OTOGL: variants seen among roughly 807,000 people sequenced by gnomAD.
The protein encoded by OTOGL is otogelin-like protein.
OTOGL carries 285 observed loss-of-function variants against 318.5 expected under a neutral mutation model. The ratio of observed to expected loss-of-function variants is 0.89; its 90% confidence interval spans 0.81 to 0.99. The LOEUF is 0.99. Ranked by LOEUF, OTOGL falls within the 50% of genes least tolerant of loss-of-function variation. The probability of loss-of-function intolerance (pLI) is 0.00; values close to 1 mark genes in which losing one functional copy is unlikely to be tolerated. For missense variants in OTOGL, 2,899 were observed against 2,845.6 expected (o/e 1.02, Z -0.43); for synonymous variants, 987 against 936.5 (o/e 1.05, Z -0.99).
At chr12:80,315,586 A>G (rs921187683) in intron 32 of OTOGL, among the ~76,000 whole-genome samples, 2 of 152,200 alleles carry the variant, frequency 1.3e-5, no homozygotes, top group Non-Finnish European at 2.9e-5. Context: ...CTCTGGATCC[A>G]TGATGGATGT....
chr12:80,356,215 G>C, intron 47 of OTOGL: 1 of 610,140 alleles, frequency 1.6e-6, no homozygotes. Context: ...GACAATAATA[G>C]AAAAATGTCA....
At chr12:80,309,671 A>G (rs1886498410) in intron 29 of OTOGL, among the ~76,000 whole-genome samples, 1 of 152,216 alleles carries the variant, frequency 6.6e-6, no homozygotes, top group Admixed American at 6.5e-5. Context: ...AAGGTCTCCT[A>G]CTTTCCTGGC....
At chr12:80,221,643 CAATAGTT>C (rs1159822021) in intron 6 of OTOGL, among the ~76,000 whole-genome samples, 1 of 150,812 alleles carries the variant, frequency 6.6e-6, no homozygotes, top group Admixed American at 6.7e-5. Context: ...TTTTTTTGGT[CAATAGTT>C]ATTTTTCTCT....
At chr12:80,163,571 ATTAT>A (rs1392543157) in intron 1 of OTOGL, among the ~76,000 whole-genome samples, 8 of 152,048 alleles carry the variant, frequency 5.3e-5, no homozygotes, top group Admixed American at 5.3e-4. Context: ...TTATACAGGC[ATTAT>A]TTAGATCTGC....
chr12:80,167,095 G>GT (rs1379886977), intron 1 of OTOGL, among the ~76,000 whole-genome samples: 1 of 152,064 alleles, frequency 6.6e-6, no homozygotes, highest in Admixed American at 6.6e-5. Context: ...TGATGACTGA[G>GT]TTTTTTTGGC....
intron 52 of OTOGL, among the ~76,000 whole-genome samples, chr12:80,363,437 T>A (rs1890348667): frequency 6.6e-6 from 1 of 152,158 alleles, no homozygotes; most frequent in South Asian, 2.1e-4. Flanking sequence ...CATTTACGAA[T>A]GAACATCTTC....
At chr12:80,216,698 A>G (rs1419146016) in intron 4 of OTOGL, among the ~76,000 whole-genome samples, 1 of 152,174 alleles carries the variant, frequency 6.6e-6, no homozygotes, top group East Asian at 1.9e-4. Context: ...AGATGAGTAA[A>G]TAGAGGCACT....
At chr12:80,299,633 G>A (rs533285200) in intron 27 of OTOGL, among the ~76,000 whole-genome samples, 23 of 148,400 alleles carry the variant, frequency 1.5e-4, no homozygotes, top group African/African-American at 5.6e-4. Flanking sequence ...AACCACCTCT[G>A]TTATTTTTAT....
chr12:80,231,593 T>C (rs528090440), intron 8 of OTOGL, among the ~76,000 whole-genome samples: 1 of 152,206 alleles, frequency 6.6e-6, no homozygotes, highest in Admixed American at 6.6e-5. Flanking sequence ...CACATTATGG[T>C]ATATAATTTT....
chr12:80,176,340 T>C (rs1241126289), intron 1 of OTOGL, among the ~76,000 whole-genome samples: 1 of 152,196 alleles, frequency 6.6e-6, no homozygotes, highest in Admixed American at 6.6e-5. Context: ...AACAAAATAA[T>C]GAACATTTCC....
intron 11 of OTOGL, among the ~76,000 whole-genome samples, chr12:80,249,710 G>A (rs1881310695): frequency 6.6e-6 from 1 of 152,308 alleles, no homozygotes; most frequent in East Asian, 1.9e-4. Flanking sequence ...GAGCTTCCCG[G>A]CTGCTTTGTT....
rs529205390 is a variant in OTOGL, at chr12:80,200,288, A to G, written c.-19-9125A>G. 2.4e-4 allele frequency among the ~76,000 whole-genome samples: 37 copies of G among 152,344 alleles called. No homozygotes were observed. The South Asian group carries it at 6.6e-3, about 27-fold the overall frequency. ...AGCACAATTTCCTAAGATGTGAAAT[A>G]GTGCTCTGCCTTAGGTTTATGTGTC... On this transcript the variant is annotated intron_variant, in intron 1 of 58. Coordinates refer to ENST00000547103, the MANE Select transcript of OTOGL (RefSeq NM_001378609.3).
intron 1 of OTOGL, among the ~76,000 whole-genome samples, chr12:80,144,154 C>T (rs1024645489): frequency 9.9e-5 from 15 of 151,980 alleles, no homozygotes; most frequent in Non-Finnish European, 2.1e-4. Context: ...GCGCTGCACC[C>T]ACTAACTCGT....
chr12:80,250,016 C>T (rs1881372555), intron 11 of OTOGL, among the ~76,000 whole-genome samples: 1 of 152,076 alleles, frequency 6.6e-6, no homozygotes, highest in Non-Finnish European at 1.5e-5. Context: ...CCTCGCCCTG[C>T]TTCGGCTCGC....
chr12:80,364,993 GAC>G (rs1218532630), intron 52 of OTOGL, among the ~76,000 whole-genome samples: 1 of 151,810 alleles, frequency 6.6e-6, no homozygotes, highest in Non-Finnish European at 1.5e-5. Context: ...TCACTAAAAA[GAC>G]AAAAAATAAC....
intron 4 of OTOGL, among the ~76,000 whole-genome samples, chr12:80,212,629 T>C (rs1565902359): frequency 6.6e-6 from 1 of 152,152 alleles, no homozygotes; most frequent in Non-Finnish European, 1.5e-5. Context: ...CTATAAAAGA[T>C]GGATGGTAAA....
At chr12:80,333,391 T>C (rs1476420551) in intron 38 of OTOGL, among the ~76,000 whole-genome samples, 2 of 151,542 alleles carry the variant, frequency 1.3e-5, no homozygotes, top group South Asian at 2.1e-4. Context: ...ATCTACTTGA[T>C]GTCAGCCACT....
chr12:80,260,788 T>C, intron 18 of OTOGL, among the ~76,000 whole-genome samples: 1 of 152,156 alleles, frequency 6.6e-6, no homozygotes, highest in East Asian at 1.9e-4. Flanking sequence ...AGCCAAGCTC[T>C]AAGTCAGTTC....
intron 42 of OTOGL, among the ~76,000 whole-genome samples, chr12:80,338,408 T>A (rs570266393): frequency 1.3e-5 from 2 of 152,092 alleles, no homozygotes; most frequent in Admixed American, 6.6e-5. Context: ...CATTGAATGG[T>A]TGGTGAGGCA....
Sources: gnomAD v4.1 joint callset for allele counts (sites outside exome capture counted in the v4.1 genomes callset) on GRCh38, gnomAD v4.1.1 for gene constraint, MANE v1.5 for transcripts, NCBI Gene and HGNC (gene_info 2026-07-23, HGNC 2026-07-21) for gene names.